CHPF: variants seen among roughly 807,000 people sequenced by gnomAD.
The protein encoded by CHPF is chondroitin polymerizing factor.
In CHPF, 34 loss-of-function variants were observed where a neutral mutation model predicts 55.1. The ratio of observed to expected loss-of-function variants is 0.62; its 90% CI spans 0.47 to 0.82. The LOEUF is 0.82. Ranked by LOEUF, CHPF falls within the 40% of genes least tolerant of loss-of-function variation. CHPF has a pLI of 0.00. For synonymous variants in CHPF, 489 were observed against 496.6 expected (o/e 0.98, Z 0.20); for missense variants, 961 against 1,106.1 (o/e 0.87, Z 1.86).
rs550028947 is a variant in CHPF, at chr2:219,539,700, G to T, written c.2011C>A (p.Arg671Ser). The T allele has an allele frequency of 8.1e-6, 13 of 1,613,416 alleles. No individual in the cohort carries two copies. The South Asian group carries it at 1.3e-4, about 16-fold the overall frequency. The change falls in exon 4 of 4, where the codon CGC becomes AGC. Residue 671 changes from arginine (R) to serine (S), a missense_variant. Arg to Ser is a moderately radical substitution (Grantham distance 110, BLOSUM62 -1). Coordinates refer to ENST00000243776, the MANE Select transcript of CHPF (RefSeq NM_024536.6). ...AAGCAGGCCTCGCTGGCTGCCTGGC[G>T]ATCAAAGCGGCCAGTGTCACGGCCC... ...ELGRDTGRFDRQAASEACFYN... is the reference protein window; with the variant it reads ...ELGRDTGRFDSQAASEACFYN...
Position 219,539,728 on chromosome 2 carries a change from C to G in CHPF, c.1983G>C (p.Glu661Asp). The change falls in exon 4 of 4, where the codon GAG (glutamate) becomes GAC (aspartate). Residue 661 changes from glutamate to aspartate, a missense_variant. By Grantham distance (45) the Glu-to-Asp change is conservative (BLOSUM62 2). Around this residue, in one of 3 missense-constraint regions of CHPF, gnomAD observed 936 missense variants for 1,058.4 expected, o/e 0.88. Transcript: ENST00000243776. The part of the protein sequence containing the change: ...VAPPQGPGPP[E>D]LGRDTGRFDR... The stretch of plus-strand genomic sequence containing the variant: ...CAAAGCGGCCAGTGTCACGGCCCAG[C>G]TCTGGGGGCCCAGGCCCTTGTGGTG... 1.2e-6 allele frequency: 2 copies of G among 1,613,500 alleles called. No individual in the cohort carries two copies. The highest frequency in any genetic ancestry group is 1.7e-6 in the Non-Finnish European group (2 of 1,179,960).
chr2:219,543,009 C>A (rs1695310625), intron 1 of CHPF: 16 of 1,341,160 alleles, frequency 1.2e-5, no homozygotes, highest in Non-Finnish European at 1.4e-5. Flanking sequence ...AGGACACAGT[C>A]CAGTAAGTTC....
At chr2:219,542,762 T>C (rs1695304291) in intron 1 of CHPF, among the ~76,000 whole-genome samples, 1 of 152,174 alleles carries the variant, frequency 6.6e-6, no homozygotes, top group South Asian at 2.1e-4. Flanking sequence ...TTAGAAGTTA[T>C]TTCAACTCAT....
rs572962492 is a variant in CHPF at position 219,540,386 on chromosome 2, C to T, written c.1325G>A (p.Arg442Gln). 2.7e-5 allele frequency: 44 copies of T among 1,614,066 alleles called. No homozygotes were observed. The highest frequency in any genetic ancestry group is 9.3e-5 in the African/African-American group (7 of 75,062). Residue 442 changes from arginine to glutamine, a missense_variant, in exon 4 of 4, where the codon CGG becomes CAG. Physicochemically the swap from Arg to Gln is conservative, Grantham distance 43 (BLOSUM62 1). Coordinates refer to ENST00000243776, the MANE Select transcript of CHPF (RefSeq NM_024536.6). ...ATTCACCAGCTGCTGCTTCTGGAGC[C>T]GCAAGGCCGGGTGGTAGCGGCGGTT... ...ELNRRYHPAL[R>Q]LQKQQLVNGY...
Position 219,539,625 on chromosome 2 carries a change from C to T in CHPF, c.2086G>A (p.Glu696Lys), listed in dbSNP as rs142415191. The T allele has an allele frequency of 5.9e-5, 95 of 1,613,500 alleles. No individual in the cohort carries two copies. The highest frequency in any genetic ancestry group is 2.0e-4 in the South Asian group (18 of 91,096). ...CTCTCCAGCAGCTCCTCTTCTTGTT[C>T]TGAGGCTGCCGCCAGGCGCCCACGG... The part of the protein sequence containing the change: ...AARGRLAAAS[E>K]QEEELLESLD... The change falls in exon 4 of 4, where the codon GAA becomes AAA. Residue 696 changes from glutamate (E) to lysine (K), a missense_variant. By Grantham distance (56) the Glu-to-Lys change is moderately conservative. This residue lies in a region of CHPF where 936 missense variants were observed against 1,058.4 expected (regional missense o/e 0.88). Coordinates refer to ENST00000243776, the MANE Select transcript of CHPF (RefSeq NM_024536.6).
Position 219,539,723 on chromosome 2 carries a change from C to A in CHPF, c.1988G>T (p.Gly663Val). ...GCGATCAAAGCGGCCAGTGTCACGG[C>A]CCAGCTCTGGGGGCCCAGGCCCTTG... is the stretch of plus-strand genomic sequence containing the variant. ...PPQGPGPPEL[G>V]RDTGRFDRQA... is the part of the protein sequence containing the mutation. Residue 663 changes from glycine to valine, a missense_variant, in exon 4 of 4, where the codon GGC becomes GTC. By Grantham distance (109) the Gly-to-Val change is moderately radical. Around this residue, in one of 3 missense-constraint regions of CHPF, gnomAD observed 936 missense variants for 1,058.4 expected, o/e 0.88. Transcript: ENST00000243776. 6.2e-7 allele frequency: 1 copy of A among 1,613,408 alleles called. No homozygotes were observed. Among genetic ancestry groups the A allele is most frequent in the African/African-American group, 1.3e-5 (1 of 75,060 alleles).
At position 219,539,398 on chromosome 2, in the gene CHPF, C is replaced by T. The variant is rs1695209687; in HGVS notation, c.2313G>A (p.Gln771=). Reference sequence around the variant, plus strand: ...CAGGGTGGGGTCAGGTGCTGTTGCCCTGCTCCTGTTCAAAGAGTAGCATGG... The same window carrying T: ...CAGGGTGGGGTCAGGTGCTGTTGCCTTGCTCCTGTTCAAAGAGTAGCATGG... ...QLAMLLFEQE[Q]GNST The change falls in exon 4 of 4, where the codon CAG becomes CAA. Residue 771 remains glutamine, a synonymous_variant. Transcript: ENST00000243776. The T allele has an allele frequency of 6.2e-7, 1 of 1,602,036 alleles. No individual in the cohort carries two copies. Among genetic ancestry groups the T allele is most frequent in the Non-Finnish European group, 8.5e-7 (1 of 1,171,634 alleles).
In CHPF at chr2:219,539,951, A is replaced by C. The variant is rs751036561; in HGVS notation, c.1760T>G (p.Val587Gly). 6.2e-7 allele frequency: 1 copy of C among 1,613,740 alleles called. No homozygotes were observed. Among genetic ancestry groups the C allele is most frequent in the South Asian group, 1.1e-5 (1 of 91,078 alleles). The change falls in exon 4 of 4, where the codon GTG becomes GGG. Residue 587 changes from valine to glycine, a missense_variant. Val to Gly is a moderately radical substitution (Grantham distance 109, BLOSUM62 -3). Around this residue, in one of 3 missense-constraint regions of CHPF, gnomAD observed 936 missense variants for 1,058.4 expected, o/e 0.88. Coordinates refer to ENST00000243776, the MANE Select transcript of CHPF (RefSeq NM_024536.6). Reference sequence around the variant, plus strand: ...CAGTGGTGAGGGTGCGGCTGTCTGCACACTGAGCCATGGCACCCGGGCACC... The same window carrying C: ...CAGTGGTGAGGGTGCGGCTGTCTGCCCACTGAGCCATGGCACCCGGGCACC... The part of the protein sequence containing the change: ...FPGARVPWLS[V>G]QTAAPSPLRL...
Position 219,539,421 on chromosome 2 carries a change from T to C in CHPF, c.2290A>G (p.Met764Val). The change falls in exon 4 of 4, where the codon ATG (methionine) becomes GTG (valine). Residue 764 changes from methionine to valine, a missense_variant. By Grantham distance (21) the Met-to-Val change is conservative (BLOSUM62 1). Coordinates refer to ENST00000243776, the MANE Select transcript of CHPF (RefSeq NM_024536.6). ...EGLGSRTQLA[M>V]LLFEQEQGNS... ...CCCTGCTCCTGTTCAAAGAGTAGCA[T>C]GGCCAGCTGGGTTCGGGAGCCGAGG... 1.2e-6 allele frequency: 2 copies of C among 1,610,632 alleles called. No homozygotes were observed. The highest frequency in any genetic ancestry group is 2.2e-5 in the South Asian group (2 of 90,902).
At chr2:219,542,300 C>T (rs2105988525) in intron 1 of CHPF, 111 bp from the exon 2 acceptor site, 2 of 812,256 alleles carry the variant, frequency 2.5e-6, no homozygotes, top group South Asian at 1.9e-5. Flanking sequence ...TCTGTTCTCT[C>T]ACCTATGAAT....
In CHPF at chr2:219,539,379, G is replaced by A; in HGVS notation, c.*4C>T. 1 of 1,590,746 alleles carries A rather than the reference G, an allele frequency of 6.3e-7. No individual in the cohort carries two copies. The highest frequency in any genetic ancestry group is 8.6e-7 in the Non-Finnish European group (1 of 1,164,226). Reference sequence around the variant, plus strand: ...ATGCCACGGCCCACGGGGACAGGGTGGGGTCAGGTGCTGTTGCCCTGCTCC... The same window carrying A: ...ATGCCACGGCCCACGGGGACAGGGTAGGGTCAGGTGCTGTTGCCCTGCTCC... On this transcript the variant is annotated 3_prime_UTR_variant, in exon 4 of 4. Coordinates refer to ENST00000243776, the MANE Select transcript of CHPF (RefSeq NM_024536.6).
rs1212900449 is a variant in CHPF, at chr2:219,539,878, G to T, written c.1833C>A (p.Phe611Leu). Residue 611 changes from phenylalanine to leucine, a missense_variant, in exon 4 of 4, where the codon TTC becomes TTA. By Grantham distance (22) the Phe-to-Leu change is conservative. This residue lies in a region of CHPF where 936 missense variants were observed against 1,058.4 expected (regional missense o/e 0.88). Transcript: ENST00000243776. ...GCACCGTGTCTGGCCCGGCCAGCAG[G>T]AACAGTGTGTCCAGCGGGTGCTTCT... ...LSKKHPLDTL[F>L]LLAGPDTVLT... 1 of 1,613,718 alleles carries T rather than the reference G, an allele frequency of 6.2e-7. No individual in the cohort carries two copies. The highest frequency in any genetic ancestry group is 1.7e-5 in the Admixed American group (1 of 60,034).
intron 1 of CHPF, 151 bp from the exon 2 acceptor site, chr2:219,542,340 G>A (rs1452921413): frequency 1.5e-6 from 1 of 648,286 alleles, no homozygotes; most frequent in Non-Finnish European, 2.5e-6. Context: ...TCTCCCAGGG[G>A]TCATGAGGAT....
intron 1 of CHPF, 39 bp from the exon 2 acceptor site, chr2:219,542,228 C>A: frequency 1.3e-6 from 1 of 746,352 alleles, no homozygotes. Flanking sequence ...AAAAGGACAA[C>A]GGGGCGGGGG....
intron 3 of CHPF, 59 bp downstream of exon 3, chr2:219,540,887 C>G: frequency 6.3e-7 from 1 of 1,586,056 alleles, no homozygotes; most frequent in Non-Finnish European, 8.6e-7. Flanking sequence ...TCTCTGGGCT[C>G]TCTGTGACTT....
rs757873151 is a variant in CHPF, at chr2:219,540,583, G to C, written c.1128C>G (p.Pro376=). 3.1e-6 allele frequency: 5 copies of C among 1,612,680 alleles called. No homozygotes were observed. Among genetic ancestry groups the C allele is most frequent in the Non-Finnish European group, 3.4e-6 (4 of 1,179,612 alleles). Residue 376 remains proline (P), a synonymous_variant, in exon 4 of 4, where the codon CCC becomes CCG. Coordinates refer to ENST00000243776, the MANE Select transcript of CHPF (RefSeq NM_024536.6). ...GGCGGGATGGTGCTGGAATACCCAC[G>C]GGCCAAGCAGCTGCCTGGTCCCCAT... ...AVDGDQAAAW[P]VGIPAPSRPA...
At position 219,543,672 on chromosome 2, in the gene CHPF, G is replaced by A. The variant is rs1462288424; in HGVS notation, c.-134C>T. ...CGGGCGGGCCCGCTCCCTCCCCGCA[G>A]AGCAGAGCCAGCGGCCCGAGCCGAA... On this transcript the variant is annotated 5_prime_UTR_variant, in exon 1 of 4. Transcript: ENST00000243776. 3 of 581,798 alleles carry A rather than the reference G, an allele frequency of 5.2e-6. No individual in the cohort carries two copies. Among genetic ancestry groups the A allele is most frequent in the African/African-American group, 2.0e-5 (1 of 50,980 alleles). 36.0% of individuals were successfully genotyped at this position (581,798 alleles called of 1,614,324 possible).
chr2:219,540,657 C>T lies in CHPF; in HGVS notation c.1069-15G>A. The T allele has an allele frequency of 1.9e-6, 3 of 1,572,896 alleles. No individual in the cohort carries two copies. Among genetic ancestry groups the T allele is most frequent in the Non-Finnish European group, 2.6e-6 (3 of 1,161,196 alleles). On this transcript the variant is annotated splice_polypyrimidine_tract_variant and intron_variant, in intron 3 of 3. Coordinates refer to ENST00000243776, the MANE Select transcript of CHPF (RefSeq NM_024536.6). The stretch of plus-strand genomic sequence containing the variant: ...TGGATCTCCCACTGGATCAGAGAAA[C>T]AGGCCATCAGCAAGGGACAGATTAC...
At position 219,539,628 on chromosome 2, in the gene CHPF, A is replaced by C. The variant is rs1436749019; in HGVS notation, c.2083T>G (p.Ser695Ala). ...TCCAGCAGCTCCTCTTCTTGTTCTG[A>C]GGCTGCCGCCAGGCGCCCACGGGCT... is the stretch of plus-strand genomic sequence containing the variant. ...VAARGRLAAA[S>A]EQEEELLESL... The change falls in exon 4 of 4, where the codon TCA (serine) becomes GCA (alanine). Residue 695 changes from serine (S) to alanine (A), a missense_variant. Ser to Ala is a moderately conservative substitution (Grantham distance 99). This residue lies in a region of CHPF where 936 missense variants were observed against 1,058.4 expected (regional missense o/e 0.88). Transcript: ENST00000243776. The C allele has an allele frequency of 1.5e-5, 25 of 1,613,482 alleles. No homozygotes were observed. Among genetic ancestry groups the C allele is most frequent in the Non-Finnish European group, 2.0e-5 (24 of 1,179,970 alleles).
Sources: allele counts gnomAD v4.1 joint callset (sites outside exome capture counted in the v4.1 genomes callset), GRCh38; gene constraint gnomAD v4.1.1; regional missense constraint gnomAD v4.1.1; transcripts MANE v1.5; gene names NCBI Gene and HGNC (gene_info 2026-07-23, HGNC 2026-07-21).